BNC2: variants seen among roughly 807,000 people sequenced by gnomAD.
BNC2 encodes basonuclin zinc finger protein 2, also known as zinc finger protein basonuclin-2.
In BNC2, 20 loss-of-function variants were observed where a neutral mutation model predicts 76.3. The observed-to-expected ratio is 0.26, with a 90% CI of 0.18 to 0.38. BNC2 has a LOEUF of 0.38. Among genes scored for constraint, BNC2 ranks in the 10% least tolerant of loss-of-function variants. The probability of loss-of-function intolerance (pLI) is 1.00; values close to 1 mark genes in which losing one functional copy is unlikely to be tolerated. For missense variants in BNC2, 1,382 were observed against 1,399.8 expected (o/e 0.99, Z 0.20); for synonymous variants, 582 against 514.8 (o/e 1.13, Z -1.77).
chr9:16,767,386 C>A (rs754878461), intron 1 of BNC2, among the ~76,000 whole-genome samples: 2 of 152,156 alleles, frequency 1.3e-5, no homozygotes, highest in Non-Finnish European at 2.9e-5. Context: ...CAATTACATA[C>A]AATGTGAAAG....
In BNC2 at chr9:16,414,427, CAAT is replaced by C. The variant is rs1050739982; in HGVS notation, c.*4559_*4561del. 2 of 152,038 alleles carry C rather than the reference CAAT, an allele frequency of 1.3e-5. No individual in the cohort carries two copies. Among genetic ancestry groups the C allele is most frequent in the Non-Finnish European group, 1.5e-5 (1 of 68,010 alleles). 9.4% of individuals were successfully genotyped at this position (152,038 alleles called of 1,614,324 possible). A position where few individuals can be genotyped will look rare whatever the true frequency, so the allele number is the denominator to read the frequency against. On this transcript the variant is annotated 3_prime_UTR_variant, in exon 7 of 7. Transcript: ENST00000380672. Reference sequence around the variant, plus strand: ...TTTAGATCCATCCCCAAAAAATAAACAATGAGAGGGAAAAGCAAAACCACCTAA... The same window carrying C: ...TTTAGATCCATCCCCAAAAAATAAACGAGAGGGAAAAGCAAAACCACCTAA...
At chr9:16,728,173 G>A (rs777271043) in intron 2 of BNC2, 176 bp from the exon 3 acceptor site, 1 of 702,774 alleles carries the variant, frequency 1.4e-6, no homozygotes, top group Non-Finnish European at 2.6e-6. Context: ...TTTATGCATA[G>A]ATTGTGACTC....
At chr9:16,742,905 G>T (rs1285357405) in intron 1 of BNC2, among the ~76,000 whole-genome samples, 1 of 152,132 alleles carries the variant, frequency 6.6e-6, no homozygotes, top group Non-Finnish European at 1.5e-5. Flanking sequence ...AATTGTACCT[G>T]AATGAGAAAA....
At chr9:16,770,719 G>A (rs919302017) in intron 1 of BNC2, among the ~76,000 whole-genome samples, 4 of 151,542 alleles carry the variant, frequency 2.6e-5, no homozygotes, top group African/African-American at 4.9e-5. Flanking sequence ...ACAAAAATTA[G>A]CCAGGCATGG....
Position 16,412,228 on chromosome 9 carries a change from A to C in BNC2, c.*6761T>G, listed in dbSNP as rs576946131. On this transcript the variant is annotated 3_prime_UTR_variant, in exon 7 of 7. Transcript: ENST00000380672. The stretch of plus-strand genomic sequence containing the variant: ...GCCATCTTTTTTAGATTGTCAGTCC[A>C]GTTTGACAAAAGTTAATCTATCATG... 9 of 152,734 alleles carry C rather than the reference A, an allele frequency of 5.9e-5. No homozygotes were observed. The highest frequency in any genetic ancestry group is 2.2e-4 in the African/African-American group (9 of 41,566). 9.5% of individuals were successfully genotyped at this position (152,734 alleles called of 1,614,324 possible).
intron 4 of BNC2, among the ~76,000 whole-genome samples, chr9:16,576,002 T>C (rs1035864039): frequency 6.6e-6 from 1 of 152,218 alleles, no homozygotes; most frequent in Non-Finnish European, 1.5e-5. Flanking sequence ...AAGAAGACGA[T>C]AGTGTTTCTA....
chr9:16,857,480 T>TAAAAA (rs60082380), intron 1 of BNC2, among the ~76,000 whole-genome samples: 370 of 75,578 alleles, frequency 4.9e-3, no homozygotes, highest in East Asian at 6.8e-3. Flanking sequence ...CTGTCTCAAA[T>TAAAAA]AAAAAAAAAA....
At chr9:16,770,714 A>G (rs1391836257) in intron 1 of BNC2, among the ~76,000 whole-genome samples, 1 of 152,076 alleles carries the variant, frequency 6.6e-6, no homozygotes, top group African/African-American at 2.4e-5. Flanking sequence ...AAAATACAAA[A>G]ATTAGCCAGG....
chr9:16,607,375 T>C (rs1820416029), intron 3 of BNC2, among the ~76,000 whole-genome samples: 1 of 152,122 alleles, frequency 6.6e-6, no homozygotes, highest in Non-Finnish European at 1.5e-5. Context: ...TCTTATGAAG[T>C]GGCATTTAAA....
At chr9:16,630,331 T>TGAGCC (rs1821124176) in intron 3 of BNC2, among the ~76,000 whole-genome samples, 1 of 152,220 alleles carries the variant, frequency 6.6e-6, no homozygotes, top group Non-Finnish European at 1.5e-5. Context: ...AAGAAAGAGC[T>TGAGCC]AATATGGCTG....
At chr9:16,743,619 TG>T (rs1211687245) in intron 1 of BNC2, among the ~76,000 whole-genome samples, 1 of 152,192 alleles carries the variant, frequency 6.6e-6, no homozygotes, top group Non-Finnish European at 1.5e-5. Flanking sequence ...GCAGGGCTGA[TG>T]CCAATGCAAA....
chr9:16,814,345 T>A (rs918978793), intron 1 of BNC2, among the ~76,000 whole-genome samples: 1 of 152,228 alleles, frequency 6.6e-6, no homozygotes, highest in African/African-American at 2.4e-5. Flanking sequence ...TTTATTGGCA[T>A]AGATATATAG....
At chr9:16,800,602 T>G (rs1817757421) in intron 1 of BNC2, among the ~76,000 whole-genome samples, 1 of 152,074 alleles carries the variant, frequency 6.6e-6, no homozygotes, top group South Asian at 2.1e-4. Context: ...ATTTCTAAGG[T>G]ACCTATTTAA....
At chr9:16,646,580 C>G (rs77122352) in intron 3 of BNC2, among the ~76,000 whole-genome samples, 1,989 of 152,064 alleles carry the variant, frequency 0.013, 20 homozygotes, top group South Asian at 0.03. Context: ...TAATGGTTGC[C>G]TTAGGGGAAA....
Position 16,775,401 on chromosome 9 carries a change from A to AAG in BNC2, c.4-36917_4-36916insCT, listed in dbSNP as rs199802355. 1.6e-3 allele frequency among the ~76,000 whole-genome samples: 246 copies of AAG among 151,788 alleles called. 1 individual carries two copies. The highest frequency in any genetic ancestry group is 0.013 in the Admixed American group (200 of 15,234). On this transcript the variant is annotated intron_variant, in intron 1 of 6. Transcript: ENST00000380672. ...CTTAAACACTGATTTCGTTATTAAA[A>AAG]AAAAAAAAACTCCCATGATTTCTTC...
Position 16,603,739 on chromosome 9 carries a change from C to T in BNC2, c.331-20654G>A, listed in dbSNP as rs113847868. On this transcript the variant is annotated intron_variant, in intron 3 of 6. Coordinates refer to ENST00000380672, the MANE Select transcript of BNC2 (RefSeq NM_017637.6). ...ATTTTTAGGTAAGCTTCACTATCAA[C>T]ATCCCAAACCTGCTGTTAGTATTTC... 2.3e-4 allele frequency among the ~76,000 whole-genome samples: 35 copies of T among 152,286 alleles called. 1 individual carries two copies. The highest frequency in any genetic ancestry group is 6.7e-4 in the African/African-American group (28 of 41,570).
intron 5 of BNC2, among the ~76,000 whole-genome samples, chr9:16,517,772 G>A (rs1817483051): frequency 6.6e-6 from 1 of 152,136 alleles, no homozygotes; most frequent in African/African-American, 2.4e-5. Flanking sequence ...TATAAACACA[G>A]TAAATTGTAG....
intron 1 of BNC2, among the ~76,000 whole-genome samples, chr9:16,855,540 CTTTT>C (rs1302077610): frequency 3.3e-5 from 5 of 151,992 alleles, no homozygotes; most frequent in African/African-American, 7.2e-5. Context: ...TTAAAAGCAT[CTTTT>C]TTTTGTTTTT....
In BNC2 at chr9:16,692,272, T is replaced by A. The variant is rs150763815; in HGVS notation, c.330+35525A>T. 1.2e-3 allele frequency among the ~76,000 whole-genome samples: 179 copies of A among 152,330 alleles called. 1 individual carries two copies. Among genetic ancestry groups the A allele is most frequent in the Non-Finnish European group, 1.8e-3 (125 of 68,034 alleles). On this transcript the variant is annotated intron_variant, in intron 3 of 6. Transcript: ENST00000380672. ...CTGACATTAAATGCAATTTCAAGTA[T>A]GCCACACCCAGGTTAACTTACTTTC...
Sources: allele counts gnomAD v4.1 joint callset (sites outside exome capture counted in the v4.1 genomes callset), GRCh38; gene constraint gnomAD v4.1.1; transcripts MANE v1.5; gene names NCBI Gene and HGNC (gene_info 2026-07-23, HGNC 2026-07-21).